Variants in MAP2K1 observed in about 807,000 individuals in gnomAD.
The protein encoded by MAP2K1 is mitogen-activated protein kinase kinase 1, also known as dual specificity mitogen-activated protein kinase kinase 1.
Under a neutral mutation model 46.3 loss-of-function variants are expected in MAP2K1, and 16 were observed. The observed-to-expected ratio is 0.35, with a 90% CI of 0.23 to 0.52. The LOEUF (loss-of-function observed/expected upper bound fraction) is 0.52. Ranked by LOEUF, MAP2K1 falls within the 20% of genes least tolerant of loss-of-function variation. The pLI is 0.94. For synonymous variants in MAP2K1, 183 were observed against 185.6 expected (o/e 0.99, Z 0.11); for missense variants, 263 against 497.1 (o/e 0.53, Z 4.48).
chr15:66,421,195 G>A (rs1451910605), intron 1 of MAP2K1, among the ~76,000 whole-genome samples: 1 of 151,592 alleles, frequency 6.6e-6, no homozygotes, highest in East Asian at 1.9e-4. Context: ...GAGTGCAGTA[G>A]TGTGGTCTTG....
At chr15:66,456,367 C>T (rs1239346118) in intron 5 of MAP2K1, among the ~76,000 whole-genome samples, 2 of 152,162 alleles carry the variant, frequency 1.3e-5, no homozygotes, top group African/African-American at 4.8e-5. Flanking sequence ...AGTCAGAATT[C>T]TTTGGTGTGG....
intron 1 of MAP2K1, among the ~76,000 whole-genome samples, chr15:66,414,603 AG>A (rs1171660946): frequency 6.6e-6 from 1 of 152,156 alleles, no homozygotes; most frequent in Non-Finnish European, 1.5e-5. Flanking sequence ...TTCAGTGTCC[AG>A]AGTTTTTACT....
intron 1 of MAP2K1, among the ~76,000 whole-genome samples, chr15:66,428,057 C>G (rs1013668853): frequency 7.9e-5 from 12 of 152,068 alleles, no homozygotes; most frequent in Admixed American, 5.9e-4. Context: ...TATTCAGTGG[C>G]CAAATAGGGC....
intron 1 of MAP2K1, among the ~76,000 whole-genome samples, chr15:66,431,375 T>C (rs2093474697): frequency 6.6e-6 from 1 of 152,232 alleles, no homozygotes; most frequent in South Asian, 2.1e-4. Context: ...TATTGATATC[T>C]TTTTAATGAG....
intron 5 of MAP2K1, among the ~76,000 whole-genome samples, chr15:66,480,161 T>C (rs746078736): frequency 4.6e-5 from 7 of 152,118 alleles, no homozygotes; most frequent in Non-Finnish European, 7.4e-5. Flanking sequence ...TGATGTCGGC[T>C]CACCACAACC....
rs370379739 is a variant in MAP2K1 at position 66,469,472 on chromosome 15, C to CTTTTTTTT, written c.569-12263_569-12256dup. Among the ~76,000 whole-genome samples, 206 of 76,630 alleles carry CTTTTTTTT rather than the reference C, an allele frequency of 2.7e-3. 16 individuals are homozygous for CTTTTTTTT. The highest frequency in any genetic ancestry group is 9.8e-3 in the African/African-American group (177 of 18,002). The allele number at this position is 76,630 out of a possible 152,430, so 50.3% of individuals were successfully genotyped here. On this transcript the variant is annotated intron_variant, in intron 5 of 10. Coordinates refer to ENST00000307102, the MANE Select transcript of MAP2K1 (RefSeq NM_002755.4). ...TCCCCCAAAGGGAGTCTGGTGCCTC[C>CTTTTTTTT]TTTTTTTTTTTTTTTTTTTTTTTTT...
intron 5 of MAP2K1, among the ~76,000 whole-genome samples, chr15:66,478,301 T>C (rs1032369249): frequency 6.8e-6 from 1 of 146,536 alleles, no homozygotes; most frequent in Non-Finnish European, 1.5e-5. Context: ...TATATATACC[T>C]GTATATATAT....
At chr15:66,468,953 C>CA (rs111563723) in intron 5 of MAP2K1, among the ~76,000 whole-genome samples, 23,950 of 137,252 alleles carry the variant, frequency 0.17, 2,602 homozygotes, top group Middle Eastern at 0.31. Context: ...GACTCCGTCT[C>CA]AAAAAAAAAA....
Position 66,490,561 on chromosome 15 carries a change from C to T in MAP2K1, c.1128C>T (p.Cys376=). ...AAGTGGATTTTGCAGGTTGGCTCTGCTCCACCATCGGCCTTAACCAGCCCA... is the reference window on the plus strand; with the variant it reads ...AAGTGGATTTTGCAGGTTGGCTCTGTTCCACCATCGGCCTTAACCAGCCCA... ...AEEVDFAGWL[C]STIGLNQPST... Residue 376 remains cysteine, a synonymous_variant, in exon 11 of 11, where the codon TGC becomes TGT. Coordinates refer to ENST00000307102, the MANE Select transcript of MAP2K1 (RefSeq NM_002755.4). 1.2e-6 allele frequency: 2 copies of T among 1,614,200 alleles called. No individual in the cohort carries two copies. Among genetic ancestry groups the T allele is most frequent in the Non-Finnish European group, 1.7e-6 (2 of 1,180,022 alleles).
At chr15:66,421,251 T>G (rs1567003898) in intron 1 of MAP2K1, among the ~76,000 whole-genome samples, 1 of 151,964 alleles carries the variant, frequency 6.6e-6, no homozygotes, top group Non-Finnish European at 1.5e-5. Flanking sequence ...TCCTTCTGCC[T>G]TGGCCCCCCA....
chr15:66,432,959 A>T (rs928173950), intron 1 of MAP2K1, among the ~76,000 whole-genome samples: 32 of 131,996 alleles, frequency 2.4e-4, no homozygotes, highest in Middle Eastern at 7.8e-3. Context: ...CATCATGCAC[A>T]GTGTGTGTGT....
intron 1 of MAP2K1, among the ~76,000 whole-genome samples, chr15:66,396,356 G>A (rs1436135041): frequency 1.3e-5 from 2 of 151,970 alleles, no homozygotes; most frequent in Non-Finnish European, 2.9e-5. Context: ...TTGGCTCACG[G>A]CCACCTCCGC....
intron 1 of MAP2K1, among the ~76,000 whole-genome samples, chr15:66,394,459 C>CTTTTTTT (rs34599278): frequency 8.0e-6 from 1 of 125,484 alleles, no homozygotes; most frequent in African/African-American, 2.9e-5. Context: ...TAACCAGGAA[C>CTTTTTTT]TTTTTTTTTT....
intron 3 of MAP2K1, among the ~76,000 whole-genome samples, chr15:66,438,148 G>C (rs1322341889): frequency 1.3e-5 from 2 of 150,448 alleles, no homozygotes; most frequent in Non-Finnish European, 3.0e-5. Flanking sequence ...GTGCAGTGGC[G>C]CGATGTCGGC....
At chr15:66,455,265 T>C (rs1020027789) in intron 5 of MAP2K1, among the ~76,000 whole-genome samples, 4 of 152,218 alleles carry the variant, frequency 2.6e-5, no homozygotes, top group African/African-American at 7.2e-5. Flanking sequence ...GAGTGTGCCC[T>C]GCTCTAATAA....
chr15:66,389,645 G>A (rs1194414657), intron 1 of MAP2K1, among the ~76,000 whole-genome samples: 1 of 143,870 alleles, frequency 7.0e-6, no homozygotes, highest in Non-Finnish European at 1.5e-5. Context: ...TGCGATCTCG[G>A]CTCACCACAA....
At chr15:66,480,610 G>A (rs1277007665) in intron 5 of MAP2K1, among the ~76,000 whole-genome samples, 1 of 152,014 alleles carries the variant, frequency 6.6e-6, no homozygotes, top group African/African-American at 2.4e-5. Context: ...TAACAGTATC[G>A]AAGAGAAAAA....
chr15:66,419,508 G>A (rs1299380900), intron 1 of MAP2K1, among the ~76,000 whole-genome samples: 2 of 150,604 alleles, frequency 1.3e-5, no homozygotes, highest in South Asian at 2.1e-4. Context: ...TGACGGGAGC[G>A]AGACTCCATC....
chr15:66,453,590 A>G (rs1201358046), intron 5 of MAP2K1: 1 of 702,276 alleles, frequency 1.4e-6, no homozygotes, highest in South Asian at 1.5e-5. Context: ...AAAATGAGAG[A>G]GAGCAGTCTC....
Sources: gnomAD v4.1 joint callset for allele counts (sites outside exome capture counted in the v4.1 genomes callset) on GRCh38, gnomAD v4.1.1 for gene constraint, MANE v1.5 for transcripts, NCBI Gene and HGNC (gene_info 2026-07-23, HGNC 2026-07-21) for gene names.